The following SLAIN1 variants were observed in gnomAD, a reference collection of about 807,000 sequenced individuals.
SLAIN1 encodes the protein SLAIN family member 1.
Under a neutral mutation model 55.4 loss-of-function variants are expected in SLAIN1, and 17 were observed. That is an observed-to-expected ratio of 0.31 (90% confidence interval 0.21 to 0.46). SLAIN1 has a LOEUF of 0.46. SLAIN1 is among the 20% of genes least tolerant of loss of function. The probability of loss-of-function intolerance (pLI) is 1.00; values close to 1 mark genes in which losing one functional copy is unlikely to be tolerated. For missense variants in SLAIN1, 682 were observed against 785.1 expected, an observed-to-expected ratio of 0.87 and a Z score of 1.57; for synonymous variants, 348 against 337.4, an observed-to-expected ratio of 1.03 and a Z score of -0.35.
At chr13:77,705,644 A>AT (rs58920069) in intron 1 of SLAIN1, among the ~76,000 whole-genome samples, 29,192 of 146,180 alleles carry the variant, frequency 0.2, 2,974 homozygotes, top group Admixed American at 0.25. Flanking sequence ...AGAAATACAG[A>AT]TTTTTTTTTT....
At chr13:77,701,856 C>T (rs955584514) in intron 1 of SLAIN1, among the ~76,000 whole-genome samples, 6 of 149,420 alleles carry the variant, frequency 4.0e-5, no homozygotes, top group Admixed American at 1.3e-4. Flanking sequence ...CATGCTGGTG[C>T]GCTGCACCCA....
At chr13:77,699,144 T>G in intron 1 of SLAIN1, 2 of 1,326,742 alleles carry the variant, frequency 1.5e-6, no homozygotes, top group Admixed American at 4.2e-5. Context: ...ACTGACTTGC[T>G]TTTTAAAATG....
chr13:77,698,471 G>A lies in SLAIN1; in HGVS notation c.558G>A (p.Leu186=). 5 of 1,455,652 alleles carry A rather than the reference G, an allele frequency of 3.4e-6. No individual in the cohort carries two copies. The highest frequency in any genetic ancestry group is 4.5e-6 in the Non-Finnish European group (5 of 1,109,748). The allele number at this position is 1,455,652 out of a possible 1,614,324, so 90.2% of individuals were successfully genotyped here. A position where few individuals can be genotyped will look rare whatever the true frequency, so the allele number is the denominator to read the frequency against. Residue 186 remains leucine (L), a synonymous_variant, in exon 1 of 7, where the codon CTG becomes CTA. Transcript: ENST00000418532. This position sits in a 1 kb window ranked among gnomAD's most constrained non-coding sequence, Gnocchi z 4.1. ...CGCCGCCCTCGCCGCCCCCCACGCT[G>A]CTGGACGAGGTGGAATTGCTGGATC... is the stretch of plus-strand genomic sequence containing the variant. The part of the protein sequence containing the change: ...AAAPPSPPPT[L]LDEVELLDLE...
At position 77,744,136 on chromosome 13, in the gene SLAIN1, C is replaced by T. The variant is rs1305708798; in HGVS notation, c.767-147C>T. 5.8e-6 allele frequency: 4 copies of T among 684,334 alleles called. No homozygotes were observed. In the Admixed American group the frequency reaches 8.3e-5, roughly 14 times the overall value. 42.4% of individuals were successfully genotyped at this position (684,334 alleles called of 1,614,324 possible). A position where few individuals can be genotyped will look rare whatever the true frequency, so the allele number is the denominator to read the frequency against. Reference sequence around the variant, plus strand: ...ATATGAATTGTGTACACATGATGTGCACGTTGACCATTAAATGGTGACATG... The same window carrying T: ...ATATGAATTGTGTACACATGATGTGTACGTTGACCATTAAATGGTGACATG... On this transcript the variant is annotated intron_variant, in intron 2 of 6. Transcript: ENST00000418532.
chr13:77,716,123 GTTTT>G (rs756094692), intron 1 of SLAIN1, among the ~76,000 whole-genome samples: 2 of 142,694 alleles, frequency 1.4e-5, no homozygotes, highest in African/African-American at 5.1e-5. Context: ...TCAAAGTTTT[GTTTT>G]TTTTTTTCTC....
intron 1 of SLAIN1, among the ~76,000 whole-genome samples, chr13:77,713,979 A>G (rs548418270): frequency 4.9e-4 from 74 of 151,882 alleles, no homozygotes; most frequent in Non-Finnish European, 9.6e-4. Flanking sequence ...CAATGAGAAC[A>G]CATGGACACA....
intron 2 of SLAIN1, among the ~76,000 whole-genome samples, chr13:77,729,247 T>A (rs920518366): frequency 1.3e-5 from 2 of 152,218 alleles, no homozygotes; most frequent in Admixed American, 6.5e-5. Flanking sequence ...TCCTTTTTTC[T>A]TTTGCTAATT....
chr13:77,732,904 G>A (rs1475015811), intron 2 of SLAIN1, among the ~76,000 whole-genome samples: 4 of 152,078 alleles, frequency 2.6e-5, no homozygotes, highest in South Asian at 2.1e-4. Flanking sequence ...TGTTGTCCTG[G>A]TTAAAGAAGT....
intron 1 of SLAIN1, among the ~76,000 whole-genome samples, chr13:77,709,955 A>T (rs2091130529): frequency 6.6e-6 from 1 of 152,066 alleles, no homozygotes; most frequent in Non-Finnish European, 1.5e-5. Flanking sequence ...TATTTTTAGT[A>T]GAGGCGGGGT....
At chr13:77,751,586 G>A (rs1358068495) in intron 4 of SLAIN1, among the ~76,000 whole-genome samples, 1 of 152,162 alleles carries the variant, frequency 6.6e-6, no homozygotes, top group South Asian at 2.1e-4. Context: ...GTGAGGTTGG[G>A]TGTCCACATG....
chr13:77,746,666 C>T lies in SLAIN1; in HGVS notation c.1069C>T (p.Pro357Ser), dbSNP rs144139933. ...AGAGGAATTTGATCATTTGCCACCA[C>T]CTCAGCCTCGTCTTCCAAGATGTTC... ...DEEEFDHLPP[P>S]QPRLPRCSPF... The change falls in exon 4 of 7, where the codon CCT becomes TCT. Residue 357 changes from proline to serine, a missense_variant. Transcript: ENST00000418532. 8 of 1,613,762 alleles carry T rather than the reference C, an allele frequency of 5.0e-6. No individual in the cohort carries two copies. Among genetic ancestry groups the T allele is most frequent in the South Asian group, 2.2e-5 (2 of 91,084 alleles).
chr13:77,707,968 G>A (rs2091107042), intron 1 of SLAIN1, among the ~76,000 whole-genome samples: 1 of 152,122 alleles, frequency 6.6e-6, no homozygotes, highest in Non-Finnish European at 1.5e-5. Context: ...TTGTCCCTTA[G>A]GTAGACTTTC....
intron 5 of SLAIN1, among the ~76,000 whole-genome samples, chr13:77,753,624 G>A (rs544796528): frequency 6.6e-6 from 1 of 152,156 alleles, no homozygotes; most frequent in East Asian, 1.9e-4. Context: ...ATTAATAATA[G>A]TAAATTGTTA....
chr13:77,754,824 A>T (rs997905176), intron 5 of SLAIN1, among the ~76,000 whole-genome samples: 7 of 152,088 alleles, frequency 4.6e-5, no homozygotes, highest in African/African-American at 1.7e-4. Context: ...GCCATCATTT[A>T]TTTGATTTTC....
chr13:77,711,038 CA>C (rs1203891634), intron 1 of SLAIN1, among the ~76,000 whole-genome samples: 10 of 151,996 alleles, frequency 6.6e-5, no homozygotes, highest in Non-Finnish European at 1.3e-4. Flanking sequence ...CCAATGAGAA[CA>C]AAGACACAAT....
chr13:77,720,274 T>C (rs1174024417), intron 2 of SLAIN1, among the ~76,000 whole-genome samples: 1 of 152,198 alleles, frequency 6.6e-6, no homozygotes. Flanking sequence ...GCTGTAATTA[T>C]GTAGGCTTTT....
At position 77,698,205 on chromosome 13, in the gene SLAIN1, C is replaced by T; in HGVS notation, c.292C>T (p.Leu98Phe). The change falls in exon 1 of 7, where the codon CTC becomes TTC. Residue 98 changes from leucine to phenylalanine, a missense_variant. Physicochemically the swap from Leu to Phe is conservative, Grantham distance 22. Transcript: ENST00000418532. This position sits in a 1 kb window ranked among gnomAD's most constrained non-coding sequence, Gnocchi z 4.1. Reference protein sequence around the residue: ...ATAAASGGLGLGLALGAGGGG... With the variant: ...ATAAASGGLGFGLALGAGGGG... ...CGCCGCGGCCTCAGGGGGCCTGGGG[C>T]TCGGGCTGGCGCTGGGCGCGGGGGG... The T allele has an allele frequency of 8.1e-7, 1 of 1,240,828 alleles. No individual in the cohort carries two copies. Among genetic ancestry groups the T allele is most frequent in the Non-Finnish European group, 1.0e-6 (1 of 996,008 alleles). The allele number at this position is 1,240,828 out of a possible 1,614,324, so 76.9% of individuals were successfully genotyped here.
In SLAIN1 at chr13:77,698,565, C is replaced by G; in HGVS notation, c.626+26C>G. The G allele has an allele frequency of 1.4e-6, 2 of 1,393,626 alleles. No homozygotes were observed. Among genetic ancestry groups the G allele is most frequent in the Non-Finnish European group, 1.9e-6 (2 of 1,080,814 alleles). 86.3% of individuals were successfully genotyped at this position (1,393,626 alleles called of 1,614,324 possible). On this transcript the variant is annotated intron_variant, in intron 1 of 6. Coordinates refer to ENST00000418532, the MANE Select transcript of SLAIN1 (RefSeq NM_001242868.2). The surrounding 1 kb of genome is among the most constrained non-coding windows in gnomAD (Gnocchi z 4.1). ...GTACTGCCTGGCTCCGCTCCTTCCC[C>G]GAGACCCTGGCCTCGGGGGCTTCGG...
intron 4 of SLAIN1, among the ~76,000 whole-genome samples, chr13:77,749,839 A>T (rs1401524468): frequency 6.6e-6 from 1 of 152,196 alleles, no homozygotes; most frequent in African/African-American, 2.4e-5. Flanking sequence ...CACTTGGAAG[A>T]CCTTATTTTT....
Sources: allele counts gnomAD v4.1 joint callset (sites outside exome capture counted in the v4.1 genomes callset), GRCh38; gene constraint gnomAD v4.1.1; non-coding constraint Gnocchi (gnomAD v3.1); transcripts MANE v1.5; gene names NCBI Gene and HGNC (gene_info 2026-07-23, HGNC 2026-07-21).